Variants in CLASP1 observed in about 807,000 individuals in gnomAD.
CLASP1 encodes cytoplasmic linker associated protein 1.
A neutral mutation model predicts 192.3 loss-of-function variants in CLASP1; 38 were observed. The ratio of observed to expected loss-of-function variants is 0.20; its 90% CI spans 0.15 to 0.26. The LOEUF is 0.26. CLASP1 is among the 10% of genes least tolerant of loss of function. The pLI, the probability that CLASP1 is intolerant of heterozygous loss-of-function variation, is 1.00. For missense variants in CLASP1, 1,433 were observed against 1,932.5 expected, an observed-to-expected ratio of 0.74 and a Z score of 4.85; for synonymous variants, 691 against 712.8, an observed-to-expected ratio of 0.97 and a Z score of 0.49.
intron 19 of CLASP1, among the ~76,000 whole-genome samples, chr2:121,432,224 C>A (rs182299831): frequency 1.4e-4 from 21 of 152,282 alleles, no homozygotes; most frequent in African/African-American, 4.3e-4. Flanking sequence ...TCAAGCGATT[C>A]TCTTGCCTCA....
intron 8 of CLASP1, among the ~76,000 whole-genome samples, chr2:121,475,509 G>C (rs1258824395): frequency 6.6e-6 from 1 of 152,176 alleles, no homozygotes; most frequent in Non-Finnish European, 1.5e-5. Flanking sequence ...CCAGGATGAA[G>C]AGTCTCACAT....
intron 24 of CLASP1, among the ~76,000 whole-genome samples, chr2:121,409,264 T>G (rs1449450517): frequency 6.6e-6 from 1 of 152,242 alleles, no homozygotes; most frequent in Non-Finnish European, 1.5e-5. Context: ...GAAGACCTTC[T>G]GGTAACTTGC....
At chr2:121,448,426 A>C in intron 17 of CLASP1, 101 bp from the exon 18 acceptor site, 1 of 1,155,284 alleles carries the variant, frequency 8.7e-7, no homozygotes, top group Non-Finnish European at 1.3e-6. Context: ...ATTATTTCAG[A>C]GTTTTCAGAA....
At chr2:121,436,503 C>A (rs573091215) in intron 19 of CLASP1, among the ~76,000 whole-genome samples, 1 of 150,542 alleles carries the variant, frequency 6.6e-6, no homozygotes, top group South Asian at 2.1e-4. Flanking sequence ...TTCCACCTCC[C>A]AGGTTCAAGC....
At chr2:121,412,748 T>C (rs965017750) in intron 23 of CLASP1, among the ~76,000 whole-genome samples, 1 of 152,224 alleles carries the variant, frequency 6.6e-6, no homozygotes, top group Non-Finnish European at 1.5e-5. Flanking sequence ...ATAGATCATT[T>C]GATATATATC....
At chr2:121,562,398 G>A (rs962712496) in intron 2 of CLASP1, among the ~76,000 whole-genome samples, 1 of 152,178 alleles carries the variant, frequency 6.6e-6, no homozygotes, top group Non-Finnish European at 1.5e-5. Context: ...TTAAATCTGA[G>A]TCTCCTCCCC....
chr2:121,533,946 G>T (rs767716095), intron 2 of CLASP1, among the ~76,000 whole-genome samples: 40 of 152,148 alleles, frequency 2.6e-4, no homozygotes, highest in Non-Finnish European at 3.1e-4. Flanking sequence ...ACCTTTAAAA[G>T]ACTCTTTTGT....
exon 35 of CLASP1, chr2:121,367,763 G>T: frequency 6.2e-7 from 1 of 1,613,864 alleles, no homozygotes; most frequent in Non-Finnish European, 8.5e-7. Flanking sequence ...GAGCTGTCCG[G>T]CCTCCTTCTA....
intron 8 of CLASP1, among the ~76,000 whole-genome samples, chr2:121,496,949 A>G (rs2093559285): frequency 1.3e-5 from 2 of 152,238 alleles, no homozygotes. Flanking sequence ...AGAGGCCATC[A>G]TATTATATAA....
intron 37 of CLASP1, among the ~76,000 whole-genome samples, chr2:121,356,748 ACAAGACAGT>A (rs1479189729): frequency 1.3e-5 from 2 of 152,338 alleles, no homozygotes; most frequent in South Asian, 2.1e-4. Context: ...ATGACCTCTA[ACAAGACAGT>A]CATCACATCC....
At chr2:121,443,260 C>G (rs1437450025) in intron 19 of CLASP1, among the ~76,000 whole-genome samples, 1 of 149,408 alleles carries the variant, frequency 6.7e-6, no homozygotes, top group African/African-American at 2.5e-5. Context: ...TGACCTTACT[C>G]AGGACTGTGG....
chr2:121,491,843 C>T (rs933844746), intron 8 of CLASP1, among the ~76,000 whole-genome samples: 5 of 152,152 alleles, frequency 3.3e-5, no homozygotes, highest in South Asian at 2.1e-4. Context: ...AATTCGATTA[C>T]GCTTTTAAAA....
chr2:121,457,148 T>A (rs1422909957), intron 14 of CLASP1, among the ~76,000 whole-genome samples: 1 of 152,116 alleles, frequency 6.6e-6, no homozygotes, highest in African/African-American at 2.4e-5. Context: ...CCAGGTTGTA[T>A]TTGCCTGTGT....
intron 2 of CLASP1, chr2:121,530,624 G>A (rs2094757051): frequency 3.9e-6 from 2 of 517,316 alleles, no homozygotes; most frequent in South Asian, 2.8e-5. Flanking sequence ...TCCCGCCCCC[G>A]CCAGCCCCGC....
intron 7 of CLASP1, among the ~76,000 whole-genome samples, chr2:121,514,861 G>A (rs1559487376): frequency 6.6e-6 from 1 of 152,182 alleles, no homozygotes. Context: ...TTTGAACTTG[G>A]TTCTCTCTCT....
At position 121,396,637 on chromosome 2, in the gene CLASP1, C is replaced by T. The variant is rs549618565; in HGVS notation, c.3123+503G>A. On this transcript the variant is annotated intron_variant, in intron 30 of 39. Transcript: ENST00000263710. ...TGCAAATATAGAATAAGTTTCAGCCCGTACCAGGCAATACTTAAGTAACAT... is the reference window on the plus strand; with the variant it reads ...TGCAAATATAGAATAAGTTTCAGCCTGTACCAGGCAATACTTAAGTAACAT... Among the ~76,000 whole-genome samples, 66 of 152,174 alleles carry T rather than the reference C, an allele frequency of 4.3e-4. 1 individual carries two copies. Among genetic ancestry groups the T allele is most frequent in the Admixed American group, 3.3e-3 (51 of 15,280 alleles).
At chr2:121,464,201 T>G (rs2088878706) in intron 9 of CLASP1, among the ~76,000 whole-genome samples, 1 of 152,144 alleles carries the variant, frequency 6.6e-6, no homozygotes, top group Admixed American at 6.5e-5. Context: ...ATGCATAGTG[T>G]TCCATGGTGT....
At chr2:121,359,149 A>G (rs2065903848) in intron 37 of CLASP1, among the ~76,000 whole-genome samples, 1 of 152,274 alleles carries the variant, frequency 6.6e-6, no homozygotes, top group African/African-American at 2.4e-5. Flanking sequence ...AATGATTTAT[A>G]ATTAGTATAT....
chr2:121,385,703 T>C (rs1312924962), intron 32 of CLASP1, among the ~76,000 whole-genome samples: 1 of 152,244 alleles, frequency 6.6e-6, no homozygotes, highest in East Asian at 1.9e-4. Context: ...CTGTATATTA[T>C]GGAAGAAAAG....
Sources: allele counts gnomAD v4.1 joint callset (sites outside exome capture counted in the v4.1 genomes callset), GRCh38; gene constraint gnomAD v4.1.1; transcripts MANE v1.5; gene names NCBI Gene and HGNC (gene_info 2026-07-23, HGNC 2026-07-21).